Variants in ANK2 observed in about 807,000 individuals in gnomAD.
ANK2 encodes ankyrin 2.
ANK2 carries 83 observed loss-of-function variants against 360.5 expected under a neutral mutation model. That is an observed-to-expected ratio of 0.23 (90% CI 0.19 to 0.28). The LOEUF (loss-of-function observed/expected upper bound fraction) is 0.28, where lower values mean the gene tolerates loss of function less well. Among genes scored for constraint, ANK2 ranks in the 10% least tolerant of loss-of-function variants. The pLI, the probability that ANK2 is intolerant of heterozygous loss-of-function variation, is 1.00. For missense variants in ANK2, 4,201 were observed against 4,795.7 expected, an observed-to-expected ratio of 0.88 and a Z score of 3.66; for synonymous variants, 1,740 against 1,759.5, an observed-to-expected ratio of 0.99 and a Z score of 0.28.
At chr4:113,139,879 T>C (rs114205398) in intron 1 of ANK2, among the ~76,000 whole-genome samples, 1 of 152,224 alleles carries the variant, frequency 6.6e-6, no homozygotes, top group Non-Finnish European at 1.5e-5. Flanking sequence ...AATTGGTTAA[T>C]TGATGTTTGT....
chr4:113,076,609 A>G (rs992274097), intron 1 of ANK2, among the ~76,000 whole-genome samples: 1 of 152,100 alleles, frequency 6.6e-6, no homozygotes, highest in African/African-American at 2.4e-5. Flanking sequence ...CAGCCTGGGA[A>G]GCATAACGAA....
chr4:113,065,829 C>T (rs2075370171), intron 1 of ANK2, among the ~76,000 whole-genome samples: 1 of 152,120 alleles, frequency 6.6e-6, no homozygotes, highest in Non-Finnish European at 1.5e-5. Flanking sequence ...GCTAATTTCC[C>T]AATATTTACT....
chr4:113,152,065 C>CAA lies in ANK2; in HGVS notation c.85-22339_85-22338dup, dbSNP rs1232657248. Among the ~76,000 whole-genome samples the CAA allele has an allele frequency of 3.1e-4, 19 of 62,212 alleles. 1 individual carries two copies. The highest frequency in any genetic ancestry group is 0.013 in the Middle Eastern group (2 of 152). The allele number at this position is 62,212 out of a possible 152,430, so 40.8% of individuals were successfully genotyped here. A position where few individuals can be genotyped will look rare whatever the true frequency, so the allele number is the denominator to read the frequency against. On this transcript the variant is annotated intron_variant, in intron 1 of 45. Coordinates refer to ENST00000357077, the MANE Select transcript of ANK2 (RefSeq NM_001148.6). Reference sequence around the variant, plus strand: ...TGGGTGACAGAGCAAGTCTCTGTCTCAAAAAAAAAAAAAGAAAAAAAAAAA... The same window carrying CAA: ...TGGGTGACAGAGCAAGTCTCTGTCTCAAAAAAAAAAAAAAAGAAAAAAAAAAA...
the ANK2 span, among the ~76,000 whole-genome samples, chr4:112,766,222 C>G: frequency 6.6e-6 from 1 of 151,680 alleles, no homozygotes; most frequent in Non-Finnish European, 1.5e-5. Context: ...GTCCCAGCTA[C>G]TTGGGAGGCT....
intron 1 of ANK2, among the ~76,000 whole-genome samples, chr4:113,116,326 C>T (rs1439830649): frequency 6.6e-6 from 1 of 151,960 alleles, no homozygotes; most frequent in African/African-American, 2.4e-5. Context: ...TCTATCCCTG[C>T]CTTCCTCTCC....
chr4:113,112,972 A>G (rs879702073), intron 1 of ANK2, among the ~76,000 whole-genome samples: 15 of 152,264 alleles, frequency 9.9e-5, no homozygotes, highest in Non-Finnish European at 1.6e-4. Context: ...GTAATTTTGC[A>G]TTATCAAATT....
intron 1 of ANK2, among the ~76,000 whole-genome samples, chr4:113,087,794 A>T (rs1322960189): frequency 2.0e-5 from 3 of 152,150 alleles, no homozygotes; most frequent in Non-Finnish European, 2.9e-5. Context: ...TTTTTAAGGG[A>T]CTATTTCTTG....
At chr4:112,991,087 T>TA (rs1320463389) in intron 2 of ANK2, among the ~76,000 whole-genome samples, 1 of 151,916 alleles carries the variant, frequency 6.6e-6, no homozygotes, top group African/African-American at 2.4e-5. Context: ...CCGTCTCTAC[T>TA]AAAAAATACA....
chr4:113,146,008 GT>G (rs2096821685), intron 1 of ANK2: 1 of 1,289,580 alleles, frequency 7.8e-7, no homozygotes, highest in African/African-American at 1.5e-5. Context: ...GTGTGGGTAA[GT>G]TTTAGGCCAC....
intron 2 of ANK2, among the ~76,000 whole-genome samples, chr4:113,178,684 G>C (rs1257579771): frequency 6.6e-6 from 1 of 152,038 alleles, no homozygotes; most frequent in Non-Finnish European, 1.5e-5. Context: ...GGGAAATACA[G>C]TGACTAATGT....
At chr4:113,205,311 A>C (rs1178364967) in intron 4 of ANK2, among the ~76,000 whole-genome samples, 1 of 145,734 alleles carries the variant, frequency 6.9e-6, no homozygotes, top group African/African-American at 2.5e-5. Flanking sequence ...CATTTTTCTT[A>C]TCTGTCTCTA....
chr4:112,866,049 T>C (rs2070387665), intron 1 of ANK2, among the ~76,000 whole-genome samples: 1 of 152,236 alleles, frequency 6.6e-6, no homozygotes, highest in Non-Finnish European at 1.5e-5. Flanking sequence ...TCTGTTTTAA[T>C]AAGAGTCAGC....
At chr4:113,130,899 T>G (rs2154377782) in intron 1 of ANK2, among the ~76,000 whole-genome samples, 1 of 152,318 alleles carries the variant, frequency 6.6e-6, no homozygotes, top group South Asian at 2.1e-4. Flanking sequence ...TAAACAGTTA[T>G]TTGAGAATGA....
At chr4:113,047,298 T>C (rs147853950), upstream of ANK2, among the ~76,000 whole-genome samples, 320 of 152,320 alleles carry the variant, frequency 2.1e-3, 5 homozygotes, top group African/African-American at 7.4e-3. Context: ...TCTACTTTTT[T>C]TCCCCAGAGC....
In ANK2 at chr4:113,240,542, C is replaced by T; in HGVS notation, c.751C>T (p.Leu251Phe). 6.2e-7 allele frequency: 1 copy of T among 1,613,994 alleles called. No homozygotes were observed. ...AHYGNVNVAT[L>F]LLNRGAAVDF... ...TTACGGAAATGTCAACGTGGCAACT[C>T]TTCTTCTAAACCGGGGAGCTGCTGT... is the stretch of plus-strand genomic sequence containing the variant. Residue 251 changes from leucine (L) to phenylalanine (F), a missense_variant, in exon 8 of 46, where the codon CTT becomes TTT. Physicochemically the swap from Leu to Phe is conservative, Grantham distance 22. Around this residue, in one of 4 missense-constraint regions of ANK2, gnomAD observed 122 missense variants for 239.3 expected, o/e 0.51. Transcript: ENST00000357077.
intron 45 of ANK2, among the ~76,000 whole-genome samples, chr4:113,376,906 C>T (rs2096963147): frequency 6.7e-6 from 1 of 149,856 alleles, no homozygotes; most frequent in Admixed American, 6.7e-5. Flanking sequence ...TCCTCCTCCA[C>T]ATATTGTCCC....
chr4:113,023,711 T>G (rs954584834), intron 2 of ANK2, among the ~76,000 whole-genome samples: 2 of 152,204 alleles, frequency 1.3e-5, no homozygotes, highest in Non-Finnish European at 2.9e-5. Flanking sequence ...CACTACACCA[T>G]AGGCTGTATG....
intron 4 of ANK2, among the ~76,000 whole-genome samples, chr4:113,205,235 C>CAAAA (rs369993364): frequency 0.058 from 3,709 of 63,618 alleles, 512 homozygotes; most frequent in African/African-American, 0.2. Context: ...GACTCCGTCT[C>CAAAA]AAAAAAAAAA....
At chr4:113,094,248 A>T (rs1052049905) in intron 1 of ANK2, among the ~76,000 whole-genome samples, 2 of 152,208 alleles carry the variant, frequency 1.3e-5, no homozygotes, top group Non-Finnish European at 2.9e-5. Context: ...GATGTTTTTT[A>T]AAAAAGAGAT....
Sources: allele counts gnomAD v4.1 joint callset (sites outside exome capture counted in the v4.1 genomes callset), GRCh38; gene constraint gnomAD v4.1.1; regional missense constraint gnomAD v4.1.1; transcripts MANE v1.5; gene names NCBI Gene and HGNC (gene_info 2026-07-23, HGNC 2026-07-21).